The following NCKAP5 variants were observed in gnomAD, a reference collection of about 807,000 sequenced individuals.
NCKAP5 encodes nck-associated protein 5.
NCKAP5 carries 92 observed loss-of-function variants against 167.0 expected under a neutral mutation model. The ratio of observed to expected loss-of-function variants is 0.55; its 90% CI spans 0.47 to 0.66. The LOEUF (loss-of-function observed/expected upper bound fraction) is 0.66, where lower values mean the gene tolerates loss of function less well. Ranked by LOEUF, NCKAP5 falls within the 30% of genes least tolerant of loss-of-function variation. The pLI, the probability that NCKAP5 is intolerant of heterozygous loss-of-function variation, is 0.00. For synonymous variants in NCKAP5, 891 were observed against 877.4 expected (o/e 1.02, Z -0.27); for missense variants, 2,378 against 2,315.0 (o/e 1.03, Z -0.56).
chr2:132,780,857 G>A (rs1046901604), intron 15 of NCKAP5, among the ~76,000 whole-genome samples, 195 bp downstream of exon 15: 8 of 152,314 alleles, frequency 5.3e-5, no homozygotes, highest in East Asian at 3.9e-4. Flanking sequence ...AGGCCCACTC[G>A]AGGTCCAGCT....
chr2:133,635,533 T>A, the NCKAP5 span, among the ~76,000 whole-genome samples: 297 of 152,340 alleles, frequency 1.9e-3, 2 homozygotes, highest in Non-Finnish European at 3.4e-3. Flanking sequence ...TCTTCCAAAT[T>A]GAAAATGAAG....
At chr2:133,193,395 A>T in intron 5 of NCKAP5, among the ~76,000 whole-genome samples, 1 of 152,002 alleles carries the variant, frequency 6.6e-6, no homozygotes, top group East Asian at 1.9e-4. Context: ...CATGGGAGGA[A>T]ATTGGGTAAA....
At chr2:133,002,132 T>C (rs536538086) in intron 6 of NCKAP5, among the ~76,000 whole-genome samples, 45 of 152,260 alleles carry the variant, frequency 3.0e-4, no homozygotes, top group African/African-American at 1.1e-3. Context: ...TGTTTTTGCA[T>C]TAGTCAATCT....
At chr2:133,129,949 GA>G in intron 6 of NCKAP5, 28 bp downstream of exon 6, 1 of 1,567,414 alleles carries the variant, frequency 6.4e-7, no homozygotes, top group Non-Finnish European at 8.6e-7. Context: ...TGCACCTCAG[GA>G]AGCAATCTGC....
intron 19 of NCKAP5, among the ~76,000 whole-genome samples, chr2:132,713,076 T>G (rs796380584): frequency 3.9e-5 from 6 of 151,966 alleles, no homozygotes; most frequent in African/African-American, 1.4e-4. Flanking sequence ...TGCAGGATAG[T>G]GTACACAGTG....
At chr2:133,503,988 G>A (rs1042721829) in intron 3 of NCKAP5, among the ~76,000 whole-genome samples, 6 of 151,988 alleles carry the variant, frequency 3.9e-5, no homozygotes, top group Non-Finnish European at 7.4e-5. Flanking sequence ...ACAAGAACGG[G>A]CTCTCCAAGA....
chr2:133,607,274 T>C, the NCKAP5 span, among the ~76,000 whole-genome samples: 2 of 152,174 alleles, frequency 1.3e-5, no homozygotes. Context: ...CACCATGCTC[T>C]AGATAGTGGA....
chr2:133,029,358 C>T (rs989891962), intron 6 of NCKAP5, among the ~76,000 whole-genome samples: 1 of 152,176 alleles, frequency 6.6e-6, no homozygotes, highest in Non-Finnish European at 1.5e-5. Flanking sequence ...CATTTGTAGA[C>T]AATCAGATCA....
At chr2:132,857,471 C>A (rs1387924651) in intron 11 of NCKAP5, among the ~76,000 whole-genome samples, 1 of 152,142 alleles carries the variant, frequency 6.6e-6, no homozygotes, top group African/African-American at 2.4e-5. Context: ...GTAGAGAGCT[C>A]TTTACTAGCT....
At chr2:133,284,242 A>T (rs1235513522) in intron 4 of NCKAP5, among the ~76,000 whole-genome samples, 1 of 152,114 alleles carries the variant, frequency 6.6e-6, no homozygotes, top group Non-Finnish European at 1.5e-5. Context: ...CTAATTGAGG[A>T]GTCACCAATT....
intron 3 of NCKAP5, among the ~76,000 whole-genome samples, chr2:133,364,447 C>T (rs866497390): frequency 5.3e-5 from 8 of 152,222 alleles, no homozygotes; most frequent in Admixed American, 4.6e-4. Context: ...TTATATCTCC[C>T]ATCCAGCTTC....
chr2:133,603,879 T>A, the NCKAP5 span, among the ~76,000 whole-genome samples: 2 of 152,212 alleles, frequency 1.3e-5, no homozygotes, highest in African/African-American at 4.8e-5. Context: ...TCCAGCATCT[T>A]GTTCTGATCT....
chr2:133,398,859 G>A (rs1337494306), intron 3 of NCKAP5, among the ~76,000 whole-genome samples: 1 of 152,174 alleles, frequency 6.6e-6, no homozygotes, highest in Non-Finnish European at 1.5e-5. Context: ...AGGCCCGACA[G>A]GGTTTAAACA....
At chr2:132,686,662 C>T (rs1343275427) in intron 19 of NCKAP5, among the ~76,000 whole-genome samples, 2 of 152,220 alleles carry the variant, frequency 1.3e-5, no homozygotes, top group Non-Finnish European at 2.9e-5. Flanking sequence ...TTAACTTTCA[C>T]CTCTCTAATG....
At chr2:132,971,840 C>G (rs1208412877) in intron 7 of NCKAP5, among the ~76,000 whole-genome samples, 1 of 152,130 alleles carries the variant, frequency 6.6e-6, no homozygotes, top group Non-Finnish European at 1.5e-5. Context: ...AACGCAGATT[C>G]CTCGGTGCAC....
In NCKAP5 at chr2:132,728,945, G is replaced by A; in HGVS notation, c.5451C>T (p.Val1817=). 6.2e-7 allele frequency: 1 copy of A among 1,613,862 alleles called. No individual in the cohort carries two copies. The highest frequency in any genetic ancestry group is 1.6e-4 in the Middle Eastern group (1 of 6,062). Reference sequence around the variant, plus strand: ...CTGCTTCATTCTGCTTTTGGGAACTGACTTTTCCTAAATGAGGACACGTAT... The same window carrying A: ...CTGCTTCATTCTGCTTTTGGGAACTAACTTTTCCTAAATGAGGACACGTAT... ...RLPKPASSGK[V]SSQKQNEAEP... is the part of the protein sequence containing the mutation. Residue 1817 remains valine, a synonymous_variant, in exon 18 of 20, where the codon GTC becomes GTT. Transcript: ENST00000409261.
At chr2:133,621,648 T>C in the NCKAP5 span, among the ~76,000 whole-genome samples, 3 of 151,822 alleles carry the variant, frequency 2.0e-5, no homozygotes, top group African/African-American at 4.8e-5. Flanking sequence ...AATTTAAAAA[T>C]TGCCAACAAA....
intron 6 of NCKAP5, among the ~76,000 whole-genome samples, chr2:133,072,088 T>C (rs2080430187): frequency 6.6e-6 from 1 of 151,666 alleles, no homozygotes; most frequent in Non-Finnish European, 1.5e-5. Flanking sequence ...AGGCTTTTTT[T>C]TTTTTCTTTT....
intron 19 of NCKAP5, among the ~76,000 whole-genome samples, chr2:132,681,553 T>C (rs1242124428): frequency 6.6e-6 from 1 of 152,112 alleles, no homozygotes; most frequent in African/African-American, 2.4e-5. Context: ...GATAGATTTT[T>C]TACTGTTTGT....
Sources: gnomAD v4.1 joint callset for allele counts (sites outside exome capture counted in the v4.1 genomes callset) on GRCh38, gnomAD v4.1.1 for gene constraint, MANE v1.5 for transcripts, NCBI Gene and HGNC (gene_info 2026-07-23, HGNC 2026-07-21) for gene names.